Variants in KCNIP4 observed in about 807,000 individuals in gnomAD.
KCNIP4 encodes the protein potassium voltage-gated channel interacting protein 4.
Under a neutral mutation model 34.0 loss-of-function variants are expected in KCNIP4, and 12 were observed. That is an observed-to-expected ratio of 0.35 (90% CI 0.23 to 0.57). The LOEUF (loss-of-function observed/expected upper bound fraction) is 0.57, where lower values mean the gene tolerates loss of function less well. Among genes scored for constraint, KCNIP4 ranks in the 20% least tolerant of loss-of-function variants. The probability of loss-of-function intolerance (pLI) is 0.83; values close to 1 mark genes in which losing one functional copy is unlikely to be tolerated. For synonymous variants in KCNIP4, 124 were observed against 102.2 expected (o/e 1.21, Z -1.29); for missense variants, 238 against 311.7 (o/e 0.76, Z 1.78).
intron 1 of KCNIP4, among the ~76,000 whole-genome samples, chr4:20,954,173 G>A (rs1432891264): frequency 6.6e-6 from 1 of 152,124 alleles, no homozygotes. Flanking sequence ...AAGAAACCTG[G>A]AGAAGCTCAA....
chr4:21,694,926 AAAAAT>A (rs1712109962), intron 1 of KCNIP4, among the ~76,000 whole-genome samples: 3 of 98,020 alleles, frequency 3.1e-5, no homozygotes, highest in Admixed American at 8.6e-5. Context: ...AAAAAAAAAA[AAAAAT>A]AAAAATAAAT....
chr4:21,863,297 G>A (rs6853293), intron 1 of KCNIP4, among the ~76,000 whole-genome samples: 106,344 of 148,516 alleles, frequency 0.72, 43,461 homozygotes, highest in East Asian at 0.89. Context: ...CTATTTAGAA[G>A]GAGGTCAGCA....
intron 1 of KCNIP4, among the ~76,000 whole-genome samples, chr4:21,644,279 G>C (rs1335199555): frequency 6.6e-6 from 1 of 151,996 alleles, no homozygotes; most frequent in East Asian, 1.9e-4. Context: ...TATTACTTTT[G>C]GAGGAAAAGG....
At chr4:21,073,049 C>T (rs1489997840) in intron 1 of KCNIP4, among the ~76,000 whole-genome samples, 1 of 152,124 alleles carries the variant, frequency 6.6e-6, no homozygotes, top group Admixed American at 6.6e-5. Flanking sequence ...GTTGCTGTAG[C>T]CTTGTAGTAT....
chr4:21,067,941 TTC>T (rs1439510636), intron 1 of KCNIP4, among the ~76,000 whole-genome samples: 1 of 152,222 alleles, frequency 6.6e-6, no homozygotes, highest in East Asian at 1.9e-4. Context: ...AATGAAAATA[TTC>T]TGTTGCAAAT....
chr4:21,701,585 TG>T (rs1341906976), intron 1 of KCNIP4, among the ~76,000 whole-genome samples: 4 of 152,210 alleles, frequency 2.6e-5, no homozygotes, highest in African/African-American at 9.6e-5. Flanking sequence ...TAATACTGTC[TG>T]TAGTCTTCTA....
At chr4:21,548,858 C>A (rs948416484) in intron 1 of KCNIP4, among the ~76,000 whole-genome samples, 1 of 151,962 alleles carries the variant, frequency 6.6e-6, no homozygotes, top group African/African-American at 2.4e-5. Flanking sequence ...AATTTAAATT[C>A]ATACTTAAGA....
chr4:21,478,791 G>T (rs1040188752), intron 1 of KCNIP4, among the ~76,000 whole-genome samples: 8 of 152,222 alleles, frequency 5.3e-5, no homozygotes, highest in Admixed American at 2.0e-4. Context: ...GATTCAATCT[G>T]GATCCCTTAT....
intron 1 of KCNIP4, among the ~76,000 whole-genome samples, chr4:21,359,397 T>A (rs1294646629): frequency 6.6e-6 from 1 of 152,126 alleles, no homozygotes; most frequent in African/African-American, 2.4e-5. Flanking sequence ...TTTCTCATTT[T>A]ATGTATGATT....
At chr4:21,615,509 G>A (rs1031097185) in intron 1 of KCNIP4, among the ~76,000 whole-genome samples, 1 of 151,832 alleles carries the variant, frequency 6.6e-6, no homozygotes, top group African/African-American at 2.4e-5. Context: ...TCACGCCACT[G>A]CACTCCAGCC....
At chr4:21,152,503 A>AT (rs936603083) in intron 1 of KCNIP4, among the ~76,000 whole-genome samples, 3,761 of 144,060 alleles carry the variant, frequency 0.026, 143 homozygotes, top group African/African-American at 0.08. Context: ...AATACAAGCC[A>AT]TTTTTTTTTT....
intron 1 of KCNIP4, among the ~76,000 whole-genome samples, chr4:21,816,398 G>A (rs1245341064): frequency 3.3e-5 from 5 of 152,000 alleles, no homozygotes; most frequent in Non-Finnish European, 5.9e-5. Flanking sequence ...AAAAAGAAGA[G>A]GAAAGGTGAG....
At chr4:21,834,654 C>T (rs1578048634) in intron 1 of KCNIP4, among the ~76,000 whole-genome samples, 2 of 152,248 alleles carry the variant, frequency 1.3e-5, no homozygotes, top group African/African-American at 2.4e-5. Context: ...TGAGAGAGGG[C>T]ATCCCTGTCT....
At chr4:20,830,135 A>G (rs953505217) in intron 3 of KCNIP4, among the ~76,000 whole-genome samples, 17 of 152,208 alleles carry the variant, frequency 1.1e-4, no homozygotes, top group African/African-American at 3.6e-4. Flanking sequence ...TACATAGGCT[A>G]AATGACATCA....
intron 1 of KCNIP4, among the ~76,000 whole-genome samples, chr4:21,232,239 A>C (rs1189198801): frequency 6.6e-6 from 1 of 152,140 alleles, no homozygotes; most frequent in Non-Finnish European, 1.5e-5. Context: ...CACTCTGAAA[A>C]AGGTGTTGTG....
At chr4:21,405,630 T>C (rs1407413627) in intron 1 of KCNIP4, among the ~76,000 whole-genome samples, 1 of 152,228 alleles carries the variant, frequency 6.6e-6, no homozygotes, top group Non-Finnish European at 1.5e-5. Context: ...TAACATCTTT[T>C]AAACACCCAG....
chr4:21,208,597 G>A (rs1386552979), intron 1 of KCNIP4, among the ~76,000 whole-genome samples: 1 of 151,886 alleles, frequency 6.6e-6, no homozygotes, highest in East Asian at 1.9e-4. Flanking sequence ...GGTCATTGAC[G>A]GTCTTTTTTT....
chr4:21,680,381 C>A (rs1260548590), intron 1 of KCNIP4, among the ~76,000 whole-genome samples: 4 of 152,222 alleles, frequency 2.6e-5, no homozygotes, highest in Non-Finnish European at 4.4e-5. Flanking sequence ...TCTCCAGCAA[C>A]TTCCTCCACT....
chr4:20,952,390 C>G (rs1036513856), intron 1 of KCNIP4, among the ~76,000 whole-genome samples: 3 of 152,090 alleles, frequency 2.0e-5, no homozygotes, highest in Admixed American at 6.5e-5. Flanking sequence ...CTTTATATAA[C>G]AGCAATTCTG....
Sources: gnomAD v4.1 joint callset for allele counts (sites outside exome capture counted in the v4.1 genomes callset) on GRCh38, gnomAD v4.1.1 for gene constraint, MANE v1.5 for transcripts, NCBI Gene and HGNC (gene_info 2026-07-23, HGNC 2026-07-21) for gene names.